GRIP1: variants seen among roughly 807,000 people sequenced by gnomAD.
The protein encoded by GRIP1 is glutamate receptor interacting protein 1, also known as glutamate receptor-interacting protein 1.
GRIP1 carries 45 observed loss-of-function variants against 129.9 expected under a neutral mutation model. The ratio of observed to expected loss-of-function variants is 0.35; its 90% CI spans 0.27 to 0.44. The LOEUF (loss-of-function observed/expected upper bound fraction) is 0.44, where lower values mean the gene tolerates loss of function less well. Among genes scored for constraint, GRIP1 ranks in the 20% least tolerant of loss-of-function variants. GRIP1 has a pLI of 1.00. For synonymous variants in GRIP1, 530 were observed against 520.8 expected, an observed-to-expected ratio of 1.02 and a Z score of -0.24; for missense variants, 1,196 against 1,396.8, an observed-to-expected ratio of 0.86 and a Z score of 2.29.
At chr12:67,049,970 C>CTTTT (rs62802760) in intron 1 of GRIP1, among the ~76,000 whole-genome samples, 1 of 126,616 alleles carries the variant, frequency 7.9e-6, no homozygotes, top group African/African-American at 2.9e-5. Context: ...ATTTGAATTT[C>CTTTT]TTTTTTTTTT....
chr12:66,678,250 G>C (rs1816627154), intron 1 of GRIP1, among the ~76,000 whole-genome samples: 1 of 152,118 alleles, frequency 6.6e-6, no homozygotes, highest in Admixed American at 6.6e-5. Context: ...AATTCTTGAT[G>C]ATAAGATTCC....
intron 16 of GRIP1, among the ~76,000 whole-genome samples, chr12:66,401,446 G>A (rs1333201662): frequency 6.6e-6 from 1 of 151,852 alleles, no homozygotes; most frequent in East Asian, 1.9e-4. Context: ...GGGCATGGTG[G>A]TGGACACCTG....
chr12:66,920,694 C>T (rs2041199081), intron 1 of GRIP1, among the ~76,000 whole-genome samples: 1 of 152,168 alleles, frequency 6.6e-6, no homozygotes, highest in African/African-American at 2.4e-5. Flanking sequence ...ATAAATCAGG[C>T]CCATAGCCCA....
At chr12:66,954,761 A>C (rs971502674) in intron 1 of GRIP1, among the ~76,000 whole-genome samples, 2 of 152,212 alleles carry the variant, frequency 1.3e-5, no homozygotes, top group Admixed American at 6.5e-5. Flanking sequence ...GATAAGTTAC[A>C]ATCTGGCAGA....
At chr12:66,600,655 TG>T (rs1313545195) in intron 1 of GRIP1, among the ~76,000 whole-genome samples, 1 of 152,248 alleles carries the variant, frequency 6.6e-6, no homozygotes, top group Non-Finnish European at 1.5e-5. Flanking sequence ...ACTATAAAAA[TG>T]GTATCTACAT....
At chr12:67,016,525 G>A (rs747274288) in intron 1 of GRIP1, among the ~76,000 whole-genome samples, 15 of 152,098 alleles carry the variant, frequency 9.9e-5, no homozygotes, top group Non-Finnish European at 1.9e-4. Context: ...GAAGCTCAGT[G>A]CTCACATGCT....
At chr12:67,037,554 T>C (rs2043117055) in intron 1 of GRIP1, 1 of 152,096 alleles carries the variant, frequency 6.6e-6, no homozygotes, top group African/African-American at 2.4e-5. Context: ...TTATAGCATT[T>C]TGACGAAGAG....
chr12:66,877,546 A>T (rs919406689), intron 1 of GRIP1, among the ~76,000 whole-genome samples: 4 of 152,114 alleles, frequency 2.6e-5, no homozygotes, highest in African/African-American at 9.6e-5. Flanking sequence ...TTTCTCCACA[A>T]AAGTGATTGC....
At chr12:66,529,980 A>T in intron 4 of GRIP1, 66 bp from the exon 5 acceptor site, 1 of 987,808 alleles carries the variant, frequency 1.0e-6, no homozygotes, top group Admixed American at 1.7e-5. Context: ...AAATCATTCA[A>T]TGTGGCATAA....
At chr12:66,929,495 T>C (rs1481562021) in intron 1 of GRIP1, among the ~76,000 whole-genome samples, 5 of 152,234 alleles carry the variant, frequency 3.3e-5, no homozygotes, top group Non-Finnish European at 5.9e-5. Context: ...CATTTCTGTC[T>C]TGCTCACTGT....
At chr12:67,002,529 C>T (rs2042566091) in intron 1 of GRIP1, among the ~76,000 whole-genome samples, 1 of 152,172 alleles carries the variant, frequency 6.6e-6, no homozygotes, top group Non-Finnish European at 1.5e-5. Context: ...TTGGCCTTTT[C>T]CACAAGGCAA....
chr12:66,349,492 G>T (rs2054124727), intron 24 of GRIP1, among the ~76,000 whole-genome samples: 1 of 152,154 alleles, frequency 6.6e-6, no homozygotes, highest in Non-Finnish European at 1.5e-5. Context: ...ATGCCAAGGA[G>T]GTGGCTCCAC....
chr12:66,514,983 C>T (rs768720180), intron 7 of GRIP1, among the ~76,000 whole-genome samples: 1 of 152,044 alleles, frequency 6.6e-6, no homozygotes, highest in Non-Finnish European at 1.5e-5. Context: ...TTACACAAGA[C>T]GTTGGCTCTC....
chr12:66,800,026 G>A (rs943283018), intron 1 of GRIP1, among the ~76,000 whole-genome samples: 3 of 152,126 alleles, frequency 2.0e-5, no homozygotes, highest in Admixed American at 2.0e-4. Context: ...AATTGTAAAT[G>A]CATACAATGC....
chr12:67,027,763 T>G (rs1303343440), intron 1 of GRIP1, among the ~76,000 whole-genome samples: 2 of 152,168 alleles, frequency 1.3e-5, no homozygotes, highest in Non-Finnish European at 2.9e-5. Context: ...AAGGTCACTC[T>G]GGCTGCAACC....
chr12:66,586,215 A>C lies in GRIP1; in HGVS notation c.136+10632T>G, dbSNP rs541768069. 2.0e-5 allele frequency among the ~76,000 whole-genome samples: 3 copies of C among 152,034 alleles called. No individual in the cohort carries two copies. The South Asian group carries it at 6.2e-4, about 32-fold the overall frequency. ...TTACTCCCACCTTTTCACCGAATCT[A>C]TTTTTGTCAGGGTCACCAAACCTCT... On this transcript the variant is annotated intron_variant, in intron 2 of 24. Transcript: ENST00000359742.
chr12:66,653,944 A>T (rs544680375), intron 1 of GRIP1, among the ~76,000 whole-genome samples: 1 of 152,254 alleles, frequency 6.6e-6, no homozygotes, highest in South Asian at 2.1e-4. Context: ...CAGAGAACAG[A>T]GACTAAAAGC....
chr12:66,521,882 G>A (rs903990105), intron 5 of GRIP1, among the ~76,000 whole-genome samples: 3 of 152,214 alleles, frequency 2.0e-5, no homozygotes, highest in African/African-American at 4.8e-5. Context: ...AGGGTCCTAC[G>A]CCCATGGAGT....
intron 1 of GRIP1, among the ~76,000 whole-genome samples, chr12:66,652,935 T>A (rs1269564329): frequency 6.6e-6 from 1 of 152,236 alleles, no homozygotes; most frequent in Non-Finnish European, 1.5e-5. Flanking sequence ...ATCTGTAAAG[T>A]AAGAATGCCA....
Sources: gnomAD v4.1 joint callset for allele counts (sites outside exome capture counted in the v4.1 genomes callset) on GRCh38, gnomAD v4.1.1 for gene constraint, MANE v1.5 for transcripts, NCBI Gene and HGNC (gene_info 2026-07-23, HGNC 2026-07-21) for gene names.